The following CNTNAP5 variants were observed in gnomAD, a reference collection of about 807,000 sequenced individuals.
The protein encoded by CNTNAP5 is contactin-associated protein-like 5.
A neutral mutation model predicts 150.2 loss-of-function variants in CNTNAP5; 72 were observed. The observed-to-expected ratio is 0.48, with a 90% CI of 0.40 to 0.58. CNTNAP5 has a LOEUF of 0.58. Ranked by LOEUF, CNTNAP5 falls within the 20% of genes least tolerant of loss-of-function variation. The pLI, the probability that CNTNAP5 is intolerant of heterozygous loss-of-function variation, is 0.00. For synonymous variants in CNTNAP5, 672 were observed against 619.8 expected (o/e 1.08, Z -1.25); for missense variants, 1,636 against 1,626.2 (o/e 1.01, Z -0.10).
chr2:124,034,596 G>T (rs1305771530), intron 1 of CNTNAP5, among the ~76,000 whole-genome samples: 6 of 152,190 alleles, frequency 3.9e-5, no homozygotes, highest in African/African-American at 1.4e-4. Context: ...TGCTAGCTGA[G>T]AAACTCACAA....
In CNTNAP5 at chr2:124,393,955, A is replaced by G. The variant is rs1691181483; in HGVS notation, c.382-23488A>G. Among the ~76,000 whole-genome samples, 3 of 152,344 alleles carry G rather than the reference A, an allele frequency of 2.0e-5. No individual in the cohort carries two copies. In the South Asian group the frequency reaches 6.2e-4, roughly 32 times the overall value. ...TTTATCCTGGCTTCTAGTCACCAAT[A>G]TTTTAAAATGTTTTGGGTAAGTTAG... On this transcript the variant is annotated intron_variant, in intron 3 of 23. Coordinates refer to ENST00000682447, the MANE Select transcript of CNTNAP5 (RefSeq NM_001367498.1).
intron 19 of CNTNAP5, among the ~76,000 whole-genome samples, chr2:124,848,957 CT>C (rs1683103154): frequency 6.6e-6 from 1 of 152,108 alleles, no homozygotes; most frequent in African/African-American, 2.4e-5. Context: ...ATTTTTTCAA[CT>C]GTTTCTTATA....
At chr2:124,645,679 T>C (rs1042349239) in intron 12 of CNTNAP5, among the ~76,000 whole-genome samples, 2 of 152,212 alleles carry the variant, frequency 1.3e-5, no homozygotes, top group Non-Finnish European at 1.5e-5. Flanking sequence ...GAGCACAGTT[T>C]AATTTTTTGC....
intron 13 of CNTNAP5, among the ~76,000 whole-genome samples, chr2:124,742,101 G>C (rs1680508266): frequency 6.6e-6 from 1 of 152,176 alleles, no homozygotes; most frequent in Non-Finnish European, 1.5e-5. Flanking sequence ...CATCTACACT[G>C]ATTAAGAGGG....
intron 12 of CNTNAP5, among the ~76,000 whole-genome samples, chr2:124,619,664 A>G (rs1677567253): frequency 6.6e-6 from 1 of 151,744 alleles, no homozygotes. Flanking sequence ...AGGCCTTAAT[A>G]GAACAAACAC....
intron 1 of CNTNAP5, among the ~76,000 whole-genome samples, chr2:124,168,312 T>C (rs184862028): frequency 5.8e-4 from 89 of 152,266 alleles, no homozygotes; most frequent in Admixed American, 3.3e-3. Flanking sequence ...TGCCCGGACG[T>C]TGGACTGTTA....
intron 3 of CNTNAP5, among the ~76,000 whole-genome samples, chr2:124,311,720 T>C (rs1214283245): frequency 6.6e-6 from 1 of 152,198 alleles, no homozygotes; most frequent in Non-Finnish European, 1.5e-5. Context: ...AAATCATTTG[T>C]ACAAGTCACC....
intron 1 of CNTNAP5, among the ~76,000 whole-genome samples, chr2:124,127,514 C>T (rs1012831369): frequency 6.6e-6 from 1 of 152,110 alleles, no homozygotes; most frequent in African/African-American, 2.4e-5. Context: ...AATGCCATCC[C>T]CATCAAGCTA....
At chr2:124,297,747 C>G (rs1688471313) in intron 3 of CNTNAP5, among the ~76,000 whole-genome samples, 1 of 151,716 alleles carries the variant, frequency 6.6e-6, no homozygotes, top group Non-Finnish European at 1.5e-5. Flanking sequence ...TTTCCAACTT[C>G]CATTATCAGG....
At chr2:124,781,537 C>A (rs759072409) in intron 17 of CNTNAP5, among the ~76,000 whole-genome samples, 3 of 152,186 alleles carry the variant, frequency 2.0e-5, no homozygotes, top group Non-Finnish European at 4.4e-5. Context: ...AGATCTCTTA[C>A]ATTGCTAAGC....
At chr2:124,875,389 C>T (rs1677833644) in intron 21 of CNTNAP5, among the ~76,000 whole-genome samples, 1 of 152,000 alleles carries the variant, frequency 6.6e-6, no homozygotes, top group Non-Finnish European at 1.5e-5. Flanking sequence ...GGAGTCAATG[C>T]TAAACCAGGA....
chr2:124,451,081 C>T (rs1228871546), intron 6 of CNTNAP5, among the ~76,000 whole-genome samples: 145 of 106,548 alleles, frequency 1.4e-3, no homozygotes, highest in African/African-American at 5.2e-3. Context: ...TATATATACA[C>T]ACACACACAC....
At chr2:124,846,785 C>A (rs1315339119) in intron 19 of CNTNAP5, among the ~76,000 whole-genome samples, 1 of 152,152 alleles carries the variant, frequency 6.6e-6, no homozygotes, top group Admixed American at 6.5e-5. Flanking sequence ...GGTGTTCTCC[C>A]CCTTCCCCTA....
chr2:124,368,695 TA>T (rs1454155143), intron 3 of CNTNAP5, among the ~76,000 whole-genome samples: 3 of 152,164 alleles, frequency 2.0e-5, no homozygotes, highest in African/African-American at 7.2e-5. Flanking sequence ...AAACAAGATG[TA>T]AAACAGATCT....
chr2:124,721,467 G>T (rs1034310726), intron 13 of CNTNAP5, among the ~76,000 whole-genome samples: 5 of 143,428 alleles, frequency 3.5e-5, no homozygotes, highest in Non-Finnish European at 7.4e-5. Context: ...GGGTGACAGA[G>T]TGAGACTCCA....
intron 12 of CNTNAP5, among the ~76,000 whole-genome samples, chr2:124,637,883 T>G (rs1009580929): frequency 1.3e-5 from 2 of 152,024 alleles, no homozygotes; most frequent in African/African-American, 4.8e-5. Context: ...TGTTCTTGCA[T>G]GGAAAGATAT....
chr2:124,543,842 A>T lies in CNTNAP5; in HGVS notation c.1649+16386A>T, dbSNP rs575361453. On this transcript the variant is annotated intron_variant, in intron 10 of 23. Coordinates refer to ENST00000682447, the MANE Select transcript of CNTNAP5 (RefSeq NM_001367498.1). ...CATTTAATAAAAAGGAATATAGAAG[A>T]TATATATTTTTTCTCCTTTGATGTT... is the stretch of plus-strand genomic sequence containing the variant. Among the ~76,000 whole-genome samples the T allele has an allele frequency of 3.2e-4, 49 of 152,118 alleles. 1 individual carries two copies. Among genetic ancestry groups the T allele is most frequent in the Middle Eastern group, 3.4e-3 (1 of 294 alleles).
At chr2:124,677,045 C>A (rs181858845) in intron 13 of CNTNAP5, among the ~76,000 whole-genome samples, 1 of 152,252 alleles carries the variant, frequency 6.6e-6, no homozygotes, top group African/African-American at 2.4e-5. Context: ...CTTGGTCTCA[C>A]TGACTTCAAG....
At chr2:124,636,878 A>G (rs952707254) in intron 12 of CNTNAP5, among the ~76,000 whole-genome samples, 3 of 97,164 alleles carry the variant, frequency 3.1e-5, no homozygotes, top group Admixed American at 2.1e-4. Flanking sequence ...CACATTTGCA[A>G]ATTTGTGCCC....
Sources: allele counts gnomAD v4.1 joint callset (sites outside exome capture counted in the v4.1 genomes callset), GRCh38; gene constraint gnomAD v4.1.1; transcripts MANE v1.5; gene names NCBI Gene and HGNC (gene_info 2026-07-23, HGNC 2026-07-21).